Variants in LGR5 observed in about 807,000 individuals in gnomAD.
LGR5 encodes leucine rich repeat containing G protein-coupled receptor 5.
Under a neutral mutation model 76.7 loss-of-function variants are expected in LGR5, and 54 were observed. That is an observed-to-expected ratio of 0.70 (90% CI 0.57 to 0.88). The LOEUF (loss-of-function observed/expected upper bound fraction) is 0.88. Among genes scored for constraint, LGR5 ranks in the 40% least tolerant of loss-of-function variants. The pLI is 0.00. For missense variants in LGR5, 1,078 were observed against 1,073.3 expected (o/e 1.00, Z -0.06); for synonymous variants, 406 against 421.9 (o/e 0.96, Z 0.46).
chr12:71,539,506 C>G (rs1876767624), intron 4 of LGR5, among the ~76,000 whole-genome samples: 1 of 152,302 alleles, frequency 6.6e-6, no homozygotes, highest in Non-Finnish European at 1.5e-5. Flanking sequence ...GAGTTGGAGT[C>G]TCACTCTGTT....
chr12:71,454,776 A>G (rs1014162942), intron 1 of LGR5, among the ~76,000 whole-genome samples: 1 of 146,944 alleles, frequency 6.8e-6, no homozygotes, highest in Non-Finnish European at 1.5e-5. Context: ...CATAGACACA[A>G]ACACACACAC....
intron 1 of LGR5, among the ~76,000 whole-genome samples, chr12:71,458,246 C>T (rs73331808): frequency 2.0e-5 from 3 of 152,106 alleles, no homozygotes; most frequent in Middle Eastern, 3.4e-3. Context: ...TAATCTCCTG[C>T]GCTAGGGTTC....
chr12:71,571,457 G>A, intron 11 of LGR5, 57 bp from the exon 12 acceptor site: 2 of 1,305,306 alleles, frequency 1.5e-6, no homozygotes, highest in Non-Finnish European at 1.1e-6. Context: ...AGCAAAGCAT[G>A]TTTCTTTATG....
At chr12:71,529,350 G>C (rs886903616) in intron 3 of LGR5, among the ~76,000 whole-genome samples, 3 of 152,116 alleles carry the variant, frequency 2.0e-5, no homozygotes, top group Non-Finnish European at 2.9e-5. Context: ...CATCAGGAGA[G>C]AGAGAGCGAG....
chr12:71,576,688 T>C (rs986225912), intron 13 of LGR5, among the ~76,000 whole-genome samples: 1 of 152,120 alleles, frequency 6.6e-6, no homozygotes, highest in African/African-American at 2.4e-5. Context: ...TCTCACATAT[T>C]TACTTAAACC....
chr12:71,473,712 AT>A (rs1303484267), intron 1 of LGR5, among the ~76,000 whole-genome samples: 1 of 151,980 alleles, frequency 6.6e-6, no homozygotes. Context: ...GTCATCCTTA[AT>A]TTTAAGAATA....
At chr12:71,563,365 A>G (rs1279906175) in intron 8 of LGR5, among the ~76,000 whole-genome samples, 1 of 152,176 alleles carries the variant, frequency 6.6e-6, no homozygotes, top group Non-Finnish European at 1.5e-5. Flanking sequence ...CATGACATCC[A>G]GATTTTCACC....
chr12:71,459,851 T>C (rs541506389), intron 1 of LGR5, among the ~76,000 whole-genome samples: 1 of 152,198 alleles, frequency 6.6e-6, no homozygotes, highest in African/African-American at 2.4e-5. Flanking sequence ...TTGATATTGT[T>C]ATAAATAATT....
At chr12:71,469,399 C>A (rs900175842) in intron 1 of LGR5, among the ~76,000 whole-genome samples, 1 of 152,240 alleles carries the variant, frequency 6.6e-6, no homozygotes, top group African/African-American at 2.4e-5. Flanking sequence ...TGGCCTGATC[C>A]TGGAGGCTGA....
At chr12:71,546,973 C>T (rs571021323) in intron 4 of LGR5, among the ~76,000 whole-genome samples, 12 of 152,058 alleles carry the variant, frequency 7.9e-5, no homozygotes, top group Non-Finnish European at 1.5e-4. Flanking sequence ...CCACTGGGAC[C>T]GTAAGAGACA....
chr12:71,493,060 C>T (rs1874145911), intron 1 of LGR5, among the ~76,000 whole-genome samples: 1 of 151,294 alleles, frequency 6.6e-6, no homozygotes, highest in Non-Finnish European at 1.5e-5. Flanking sequence ...AAAATTTTCC[C>T]TGCTGTATTT....
intron 4 of LGR5, among the ~76,000 whole-genome samples, chr12:71,545,466 A>G (rs1877108784): frequency 6.6e-6 from 1 of 152,122 alleles, no homozygotes; most frequent in Non-Finnish European, 1.5e-5. Context: ...AAATAAATAA[A>G]TAAAATGCTC....
At chr12:71,575,902 G>T (rs367981507) in intron 13 of LGR5, among the ~76,000 whole-genome samples, 1 of 152,156 alleles carries the variant, frequency 6.6e-6, no homozygotes, top group Non-Finnish European at 1.5e-5. Flanking sequence ...GGAATACTAC[G>T]CAGCCATAAG....
At chr12:71,521,598 T>C (rs1004455887) in intron 2 of LGR5, among the ~76,000 whole-genome samples, 2 of 152,204 alleles carry the variant, frequency 1.3e-5, no homozygotes, top group Admixed American at 6.5e-5. Context: ...TTTAGTCACT[T>C]AATCAGGTTT....
At chr12:71,578,778 G>T in intron 14 of LGR5, 26 bp from the exon 15 acceptor site, 1 of 1,580,506 alleles carries the variant, frequency 6.3e-7, no homozygotes, top group Non-Finnish European at 8.6e-7. Flanking sequence ...TAGACTAAAA[G>T]CCAATTGTTG....
At chr12:71,541,283 A>G (rs1592527634) in intron 4 of LGR5, among the ~76,000 whole-genome samples, 1 of 152,378 alleles carries the variant, frequency 6.6e-6, no homozygotes, top group East Asian at 1.9e-4. Context: ...TGAATACTTT[A>G]TGCAATAGCC....
At chr12:71,492,426 C>T (rs944885692) in intron 1 of LGR5, among the ~76,000 whole-genome samples, 1 of 152,026 alleles carries the variant, frequency 6.6e-6, no homozygotes, top group African/African-American at 2.4e-5. Flanking sequence ...GATTTGAAAC[C>T]CCCACCACAG....
At chr12:71,535,980 G>A (rs1456139928) in intron 4 of LGR5, among the ~76,000 whole-genome samples, 1 of 152,120 alleles carries the variant, frequency 6.6e-6, no homozygotes, top group Admixed American at 6.5e-5. Flanking sequence ...TGATTACTTG[G>A]CAAGTCTATA....
In LGR5 at chr12:71,482,630, T is replaced by C. The variant is rs138632164; in HGVS notation, c.213-21984T>C. On this transcript the variant is annotated intron_variant, in intron 1 of 17. Transcript: ENST00000266674. ...ACCCTATAAAAGCCTAGAAAAGTAT[T>C]TATTGTCACAACTGGAAGGAGGGTG... Among the ~76,000 whole-genome samples, 230 of 152,240 alleles carry C rather than the reference T, an allele frequency of 1.5e-3. 2 individuals are homozygous for C. Among genetic ancestry groups the C allele is most frequent in the African/African-American group, 5.4e-3 (224 of 41,538 alleles).
Sources: gnomAD v4.1 joint callset for allele counts (sites outside exome capture counted in the v4.1 genomes callset) on GRCh38, gnomAD v4.1.1 for gene constraint, MANE v1.5 for transcripts, NCBI Gene and HGNC (gene_info 2026-07-23, HGNC 2026-07-21) for gene names.